GARNL3: variants seen among roughly 807,000 people sequenced by gnomAD.
The protein encoded by GARNL3 is GTPase activating Rap/RanGAP domain like 3, also known as GTPase-activating Rap/Ran-GAP domain-like protein 3.
GARNL3 carries 63 observed loss-of-function variants against 125.0 expected under a neutral mutation model. The ratio of observed to expected loss-of-function variants is 0.50; its 90% CI spans 0.41 to 0.62. The LOEUF (loss-of-function observed/expected upper bound fraction) is 0.62, where lower values mean the gene tolerates loss of function less well. GARNL3 is among the 20% of genes least tolerant of loss of function. The pLI is 0.00. For synonymous variants in GARNL3, 439 were observed against 457.5 expected (o/e 0.96, Z 0.52); for missense variants, 994 against 1,244.0 (o/e 0.80, Z 3.02).
At chr9:127,303,663 C>T (rs765081944) in intron 2 of GARNL3, among the ~76,000 whole-genome samples, 1 of 152,192 alleles carries the variant, frequency 6.6e-6, no homozygotes, top group Non-Finnish European at 1.5e-5. Context: ...CTGGAATAGA[C>T]TCTATGAAAA....
At chr9:127,349,325 T>C (rs922666956) in intron 17 of GARNL3, among the ~76,000 whole-genome samples, 5 of 152,134 alleles carry the variant, frequency 3.3e-5, no homozygotes, top group African/African-American at 1.2e-4. Context: ...AGCCAATACT[T>C]ATTATCACTC....
intron 1 of GARNL3, among the ~76,000 whole-genome samples, chr9:127,286,314 A>G (rs896824796): frequency 1.3e-5 from 2 of 152,128 alleles, no homozygotes; most frequent in East Asian, 1.9e-4. Flanking sequence ...TTTCTACACC[A>G]TGTAGGCTGA....
intron 1 of GARNL3, among the ~76,000 whole-genome samples, chr9:127,227,647 C>T (rs895290549): frequency 8.0e-5 from 12 of 150,942 alleles, no homozygotes; most frequent in Non-Finnish European, 1.2e-4. Flanking sequence ...GGCTGGGCAT[C>T]GCGGCTCACA....
At chr9:127,365,537 G>A (rs995407925) in intron 22 of GARNL3, among the ~76,000 whole-genome samples, 171 bp downstream of exon 22, 1 of 151,954 alleles carries the variant, frequency 6.6e-6, no homozygotes, top group Non-Finnish European at 1.5e-5. Flanking sequence ...CTCCCGCTGC[G>A]CACCAGGCCT....
At chr9:127,245,954 G>A (rs114485398) in intron 2 of GARNL3, among the ~76,000 whole-genome samples, 1,657 of 152,186 alleles carry the variant, frequency 0.011, 29 homozygotes, top group African/African-American at 0.038. Flanking sequence ...AGGGCTTCTC[G>A]GTGCTGTCCA....
At chr9:127,248,335 A>G (rs2063338085) in intron 2 of GARNL3, among the ~76,000 whole-genome samples, 1 of 152,138 alleles carries the variant, frequency 6.6e-6, no homozygotes, top group Non-Finnish European at 1.5e-5. Flanking sequence ...GTAGGAAAAC[A>G]CACCCAAGTC....
At chr9:127,309,897 TA>T (rs763530054) in intron 2 of GARNL3, among the ~76,000 whole-genome samples, 1 of 152,212 alleles carries the variant, frequency 6.6e-6, no homozygotes, top group Admixed American at 6.5e-5. Context: ...TATGTTCCAG[TA>T]GTCTGTCTTA....
chr9:127,281,537 G>A (rs145179931), intron 1 of GARNL3, among the ~76,000 whole-genome samples: 12 of 152,200 alleles, frequency 7.9e-5, no homozygotes, highest in African/African-American at 2.4e-4. Context: ...CCAGTCACCC[G>A]GATCTCCCTG....
chr9:127,225,525 C>T, intron 1 of GARNL3: 1 of 314,368 alleles, frequency 3.2e-6, no homozygotes, highest in Non-Finnish European at 4.6e-6. Flanking sequence ...TCTCAGGAGA[C>T]CGGGCGCGGA....
chr9:127,291,288 T>A (rs1284879249), intron 2 of GARNL3, 46 bp downstream of exon 2: 2 of 1,513,810 alleles, frequency 1.3e-6, no homozygotes, highest in South Asian at 2.3e-5. Context: ...AGCACATGAT[T>A]ATAGTGCCTG....
chr9:127,344,291 G>GTGGTGA lies in GARNL3; in HGVS notation c.1308_1309insTGGTGA (p.Ala436_Arg437insTrpTer), dbSNP rs1830020486. 1 of 1,613,968 alleles carries GTGGTGA rather than the reference G, an allele frequency of 6.2e-7. No individual in the cohort carries two copies. Among genetic ancestry groups the GTGGTGA allele is most frequent in the Admixed American group, 1.7e-5 (1 of 60,008 alleles). On this transcript the variant is annotated stop_gained and inframe_insertion, in exon 15 of 28. Transcript: ENST00000373387. LOFTEE classifies it high-confidence loss of function. Reference sequence around the variant, plus strand: ...TCTTACCAGAGTCACCCAAGTCAGCGCGGAAGAAAGAGGAGGCCCGCCAGG... The same window carrying GTGGTGA: ...TCTTACCAGAGTCACCCAAGTCAGCGTGGTGACGGAAGAAAGAGGAGGCCCGCCAGG...
At chr9:127,346,638 T>G (rs1437230321) in intron 16 of GARNL3, among the ~76,000 whole-genome samples, 2 of 152,330 alleles carry the variant, frequency 1.3e-5, no homozygotes, top group African/African-American at 4.8e-5. Context: ...GTTCACCAGG[T>G]AATAACAGAG....
chr9:127,225,253 G>C (rs949044660), intron 1 of GARNL3: 3 of 621,300 alleles, frequency 4.8e-6, no homozygotes, highest in Non-Finnish European at 6.0e-6. Flanking sequence ...GAGCCGAGCG[G>C]CCGGCCGAGG....
chr9:127,383,470 A>G lies in GARNL3; in HGVS notation c.2194A>G (p.Asn732Asp). 1 of 1,613,486 alleles carries G rather than the reference A, an allele frequency of 6.2e-7. No individual in the cohort carries two copies. The highest frequency in any genetic ancestry group is 8.5e-7 in the Non-Finnish European group (1 of 1,179,754). ...CATCTATAAAAAGGTTTGCCCCTTTAATGGTGGCTCTTTTTTGGTTCAACC... is the reference window on the plus strand; with the variant it reads ...CATCTATAAAAAGGTTTGCCCCTTTGATGGTGGCTCTTTTTTGGTTCAACC... ...SCIYKKVCPF[N>D]GGSFLVQPSA... Residue 732 changes from asparagine to aspartate, a missense_variant, in exon 23 of 28, where the codon AAT becomes GAT. This residue lies in a region of GARNL3 where 728 missense variants were observed against 865.7 expected (regional missense o/e 0.84). Coordinates refer to ENST00000373387, the MANE Select transcript of GARNL3 (RefSeq NM_032293.5).
chr9:127,276,661 C>T (rs60018524), intron 1 of GARNL3, among the ~76,000 whole-genome samples: 1 of 152,262 alleles, frequency 6.6e-6, no homozygotes, highest in Non-Finnish European at 1.5e-5. Context: ...CCCTGTCTCT[C>T]TTGTGCCAAA....
chr9:127,341,637 G>T (rs1203405973), intron 13 of GARNL3, among the ~76,000 whole-genome samples: 1 of 152,180 alleles, frequency 6.6e-6, no homozygotes, highest in Non-Finnish European at 1.5e-5. Flanking sequence ...ACTGTAGGGG[G>T]CCTGTGGCAA....
chr9:127,329,638 A>G (rs1375697933), intron 7 of GARNL3, among the ~76,000 whole-genome samples: 1 of 152,066 alleles, frequency 6.6e-6, no homozygotes, highest in African/African-American at 2.4e-5. Context: ...GCCAGTGATC[A>G]GGTGGTAGTA....
intron 20 of GARNL3, 121 bp from the exon 21 acceptor site, chr9:127,357,098 G>T: frequency 1.1e-6 from 1 of 902,416 alleles, no homozygotes; most frequent in Non-Finnish European, 1.7e-6. Context: ...TGTAGCACGG[G>T]GCTCTGCAGG....
intron 22 of GARNL3, among the ~76,000 whole-genome samples, chr9:127,367,893 C>G (rs1831369837): frequency 6.6e-6 from 1 of 151,918 alleles, no homozygotes; most frequent in Non-Finnish European, 1.5e-5. Flanking sequence ...CAGGATGATA[C>G]ATGTAAAGCC....
Sources: gnomAD v4.1 joint callset for allele counts (sites outside exome capture counted in the v4.1 genomes callset) on GRCh38, gnomAD v4.1.1 for gene constraint, gnomAD v4.1.1 regional missense constraint, MANE v1.5 for transcripts, NCBI Gene and HGNC (gene_info 2026-07-23, HGNC 2026-07-21) for gene names.